The following PTPRK variants were observed in gnomAD, a reference collection of about 807,000 sequenced individuals.
PTPRK encodes the protein protein tyrosine phosphatase receptor type K, also known as receptor-type tyrosine-protein phosphatase kappa.
In PTPRK, 75 loss-of-function variants were observed where a neutral mutation model predicts 178.0. The observed-to-expected ratio is 0.42, with a 90% CI of 0.35 to 0.51. PTPRK has a LOEUF of 0.51. Ranked by LOEUF, PTPRK falls within the 20% of genes least tolerant of loss-of-function variation. The pLI is 0.02. For synonymous variants in PTPRK, 637 were observed against 620.6 expected (o/e 1.03, Z -0.39); for missense variants, 1,441 against 1,797.8 (o/e 0.80, Z 3.59).
intron 2 of PTPRK, among the ~76,000 whole-genome samples, chr6:128,329,862 T>C (rs1326026028): frequency 6.6e-6 from 1 of 152,138 alleles, no homozygotes; most frequent in Non-Finnish European, 1.5e-5. Flanking sequence ...ACACACAAAA[T>C]TGACCGTCAC....
intron 11 of PTPRK, among the ~76,000 whole-genome samples, chr6:128,072,588 G>T (rs1045192115): frequency 6.6e-6 from 1 of 151,800 alleles, no homozygotes; most frequent in Non-Finnish European, 1.5e-5. Context: ...TTTACGCTGG[G>T]GTTGATAAAT....
intron 1 of PTPRK, among the ~76,000 whole-genome samples, chr6:128,437,113 C>G (rs1210912369): frequency 1.3e-5 from 2 of 152,236 alleles, no homozygotes; most frequent in Non-Finnish European, 2.9e-5. Flanking sequence ...GTTCAGCACT[C>G]TTGGTCACAA....
At chr6:128,020,322 C>T (rs1365925429) in intron 13 of PTPRK, among the ~76,000 whole-genome samples, 7 of 152,096 alleles carry the variant, frequency 4.6e-5, no homozygotes, top group Non-Finnish European at 8.8e-5. Context: ...TATATTTAAA[C>T]ATAGTGTTTA....
At chr6:128,069,678 T>G (rs1554285801) in intron 11 of PTPRK, among the ~76,000 whole-genome samples, 1 of 152,092 alleles carries the variant, frequency 6.6e-6, no homozygotes, top group Non-Finnish European at 1.5e-5. Context: ...TAATCATTAA[T>G]CTAATCCTTA....
At chr6:128,209,148 C>A (rs1388993784) in intron 6 of PTPRK, among the ~76,000 whole-genome samples, 1 of 152,026 alleles carries the variant, frequency 6.6e-6, no homozygotes, top group South Asian at 2.1e-4. Flanking sequence ...CCTTAACTTA[C>A]TCCCTAAAAA....
At chr6:128,370,358 G>T (rs1051540554) in intron 2 of PTPRK, among the ~76,000 whole-genome samples, 1 of 152,052 alleles carries the variant, frequency 6.6e-6, no homozygotes. Context: ...CACAGCTACA[G>T]AATAAACAGT....
chr6:128,493,359 A>G (rs13211492), intron 1 of PTPRK, among the ~76,000 whole-genome samples: 20,951 of 151,990 alleles, frequency 0.14, 1,601 homozygotes, highest in Admixed American at 0.22. Flanking sequence ...TCAGGAGATC[A>G]AGACCATCCT....
intron 13 of PTPRK, among the ~76,000 whole-genome samples, chr6:128,036,619 TAAATAAAGA>T (rs1282840114): frequency 6.6e-6 from 1 of 152,000 alleles, no homozygotes; most frequent in African/African-American, 2.4e-5. Flanking sequence ...AATACTGAAA[TAAATAAAGA>T]AAATAAAGAG....
chr6:128,150,728 C>G (rs1199311286), intron 7 of PTPRK, among the ~76,000 whole-genome samples: 1 of 152,064 alleles, frequency 6.6e-6, no homozygotes, highest in Non-Finnish European at 1.5e-5. Flanking sequence ...TATAAAACTA[C>G]TGAAGAAGGG....
intron 2 of PTPRK, among the ~76,000 whole-genome samples, chr6:128,322,962 C>A (rs1378861792): frequency 6.6e-6 from 1 of 152,064 alleles, no homozygotes; most frequent in Non-Finnish European, 1.5e-5. Context: ...CAGGACACAG[C>A]AGATTTCCCC....
At chr6:128,330,946 A>G (rs1830195995) in intron 2 of PTPRK, among the ~76,000 whole-genome samples, 1 of 152,112 alleles carries the variant, frequency 6.6e-6, no homozygotes, top group African/African-American at 2.4e-5. Flanking sequence ...CATGCACTGG[A>G]CCTTCCTCTG....
At chr6:128,154,664 TTCA>T (rs1182116149) in intron 7 of PTPRK, among the ~76,000 whole-genome samples, 3 of 151,614 alleles carry the variant, frequency 2.0e-5, no homozygotes, top group African/African-American at 7.3e-5. Context: ...AAGGAATTAC[TTCA>T]TCAAAGAGGA....
intron 3 of PTPRK, among the ~76,000 whole-genome samples, chr6:128,257,540 T>C (rs1048074441): frequency 6.6e-6 from 1 of 152,144 alleles, no homozygotes; most frequent in Non-Finnish European, 1.5e-5. Context: ...ACGTGTACAA[T>C]AATGTGGAAA....
intron 13 of PTPRK, among the ~76,000 whole-genome samples, chr6:128,012,524 T>A (rs1415865840): frequency 6.6e-6 from 1 of 151,326 alleles, no homozygotes; most frequent in Non-Finnish European, 1.5e-5. Flanking sequence ...CCATTTTTTT[T>A]ATCTGCCAAA....
At chr6:128,137,449 T>C (rs1023225607) in intron 7 of PTPRK, among the ~76,000 whole-genome samples, 9 of 152,196 alleles carry the variant, frequency 5.9e-5, no homozygotes, top group Non-Finnish European at 1.0e-4. Context: ...TTAACTGCTA[T>C]AGTTTTGAAA....
At chr6:127,994,294 CATATG>C (rs1776909374) in intron 18 of PTPRK, among the ~76,000 whole-genome samples, 1 of 151,638 alleles carries the variant, frequency 6.6e-6, no homozygotes, top group Admixed American at 6.6e-5. Context: ...TAGAAGTATA[CATATG>C]CTACCATTCT....
chr6:127,973,898 T>C, intron 27 of PTPRK, 71 bp from the exon 28 acceptor site: 1 of 1,421,566 alleles, frequency 7.0e-7, no homozygotes. Context: ...AAGGTGCATA[T>C]AATTTACAAT....
At chr6:128,046,036 A>T (rs1388119873) in intron 13 of PTPRK, among the ~76,000 whole-genome samples, 1 of 152,164 alleles carries the variant, frequency 6.6e-6, no homozygotes, top group Admixed American at 6.6e-5. Flanking sequence ...ATTTATAATG[A>T]TAAGGATGTT....
chr6:128,067,374 G>A, intron 12 of PTPRK, 145 bp downstream of exon 12: 1 of 847,568 alleles, frequency 1.2e-6, no homozygotes. Context: ...CCCCAAAACT[G>A]CGCACACTGT....
Sources: gnomAD v4.1 joint callset for allele counts (sites outside exome capture counted in the v4.1 genomes callset) on GRCh38, gnomAD v4.1.1 for gene constraint, MANE v1.5 for transcripts, NCBI Gene and HGNC (gene_info 2026-07-23, HGNC 2026-07-21) for gene names.